Variants in DUSP16 observed in about 807,000 individuals in gnomAD.
The protein encoded by DUSP16 is dual specificity phosphatase 16.
A neutral mutation model predicts 58.3 loss-of-function variants in DUSP16; 21 were observed. The ratio of observed to expected loss-of-function variants is 0.36; its 90% CI spans 0.26 to 0.52. The LOEUF (loss-of-function observed/expected upper bound fraction) is 0.52. DUSP16 is among the 20% of genes least tolerant of loss of function. The pLI, the probability that DUSP16 is intolerant of heterozygous loss-of-function variation, is 0.94. For synonymous variants in DUSP16, 320 were observed against 323.8 expected (o/e 0.99, Z 0.12); for missense variants, 726 against 819.0 (o/e 0.89, Z 1.39).
chr12:12,521,507 A>C, intron 1 of DUSP16, 44 bp from the exon 2 acceptor site: 1 of 920,342 alleles, frequency 1.1e-6, no homozygotes, highest in Non-Finnish European at 1.3e-6. Context: ...TGAGGTCAAA[A>C]AAAGAAGAAA....
At chr12:12,555,809 G>A (rs1040085997) in intron 1 of DUSP16, among the ~76,000 whole-genome samples, 6 of 152,148 alleles carry the variant, frequency 3.9e-5, no homozygotes, top group East Asian at 1.9e-4. Flanking sequence ...TTGGGACGCC[G>A]AGGTGGGAGG....
rs1260228685 is a variant in DUSP16 at position 12,477,397 on chromosome 12, G to A, written c.1434C>T (p.Asp478=). The A allele has an allele frequency of 1.9e-6, 3 of 1,612,754 alleles. No homozygotes were observed. Among genetic ancestry groups the A allele is most frequent in the South Asian group, 1.1e-5 (1 of 90,952 alleles). ...CCGAATGCAATCGCTTGCTCTGGCT[G>A]TCTGAAGGCCTGGCGGTCTGCAGCT... ...PKKLQTARPS[D]SQSKRLHSVR... The change falls in exon 7 of 7, where the codon GAC becomes GAT. Residue 478 remains aspartate (D), a synonymous_variant. Transcript: ENST00000298573. The surrounding 1 kb of genome is among the most constrained non-coding windows in gnomAD (Gnocchi z 4.1).
At chr12:12,481,315 C>A (rs1393273679) in intron 5 of DUSP16, among the ~76,000 whole-genome samples, 1 of 152,188 alleles carries the variant, frequency 6.6e-6, no homozygotes, top group Non-Finnish European at 1.5e-5. Flanking sequence ...GTACATGTGG[C>A]AGGGGACGAG....
At chr12:12,489,781 A>C (rs1943737218) in intron 4 of DUSP16, among the ~76,000 whole-genome samples, 1 of 152,264 alleles carries the variant, frequency 6.6e-6, no homozygotes, top group Non-Finnish European at 1.5e-5. Flanking sequence ...TTAATAGCCT[A>C]CATTTTAAAG....
intron 4 of DUSP16, among the ~76,000 whole-genome samples, chr12:12,493,758 A>G (rs1025652846): frequency 6.6e-6 from 1 of 152,174 alleles, no homozygotes; most frequent in South Asian, 2.1e-4. Context: ...TGTTTGTTCA[A>G]ATGCCTCTAT....
chr12:12,545,545 G>T (rs531471479), intron 1 of DUSP16, among the ~76,000 whole-genome samples: 3 of 151,218 alleles, frequency 2.0e-5, no homozygotes, highest in Non-Finnish European at 4.4e-5. Flanking sequence ...GCCTCCCAAA[G>T]TGCTGGGATT....
At chr12:12,538,441 C>T (rs1009798979) in intron 1 of DUSP16, among the ~76,000 whole-genome samples, 2 of 152,160 alleles carry the variant, frequency 1.3e-5, no homozygotes, top group African/African-American at 2.4e-5. Context: ...GTCCCTTTTA[C>T]AAAATGTTAC....
chr12:12,523,550 T>C lies in DUSP16; in HGVS notation c.-365-2087A>G, dbSNP rs190346814. ...TCCATTTAATACATTATATTTCCAT[T>C]TCTTATTTTCCAAGAAACAACTTTC... On this transcript the variant is annotated intron_variant, in intron 1 of 6. Coordinates refer to ENST00000298573, the MANE Select transcript of DUSP16 (RefSeq NM_030640.3). Among the ~76,000 whole-genome samples the C allele has an allele frequency of 7.0e-3, 1,066 of 152,352 alleles. 13 individuals carry two copies. The highest frequency in any genetic ancestry group is 0.024 in the African/African-American group (992 of 41,576).
intron 3 of DUSP16, among the ~76,000 whole-genome samples, chr12:12,512,820 T>G (rs1944098436): frequency 6.6e-6 from 1 of 152,158 alleles, no homozygotes; most frequent in Non-Finnish European, 1.5e-5. Context: ...TTCAATCTCA[T>G]TTACCAAGTT....
Position 12,562,587 on chromosome 12 carries a change from G to A in DUSP16, c.-836C>T, listed in dbSNP as rs928744866. Among the ~76,000 whole-genome samples the A allele has an allele frequency of 6.6e-6, 1 of 151,274 alleles. No homozygotes were observed. Among genetic ancestry groups the A allele is most frequent in the African/African-American group, 2.4e-5 (1 of 41,210 alleles). On this transcript the variant is annotated 5_prime_UTR_variant, in exon 1 of 7. Coordinates refer to ENST00000298573, the MANE Select transcript of DUSP16 (RefSeq NM_030640.3). ...GGGGGGGTGGGGTGGGGGGTTGGGG[G>A]AAAGAGAAAGAGTCGCTGGTCAGGA...
Position 12,474,242 on chromosome 12 carries a change from T to C in DUSP16, c.*2591A>G, listed in dbSNP as rs989666655. 5 of 152,280 alleles carry C rather than the reference T, an allele frequency of 3.3e-5. No homozygotes were observed. Among genetic ancestry groups the C allele is most frequent in the African/African-American group, 1.2e-4 (5 of 41,542 alleles). The allele number at this position is 152,280 out of a possible 1,614,324, so 9.4% of individuals were successfully genotyped here. ...GTATTTATGTATAAACAGGTACCAG[T>C]TTTGATTTTATTTAATCATTTCATA... On this transcript the variant is annotated 3_prime_UTR_variant, in exon 7 of 7. Transcript: ENST00000298573.
intron 1 of DUSP16, among the ~76,000 whole-genome samples, chr12:12,550,894 A>C (rs1486490055): frequency 6.6e-6 from 1 of 152,124 alleles, no homozygotes; most frequent in Non-Finnish European, 1.5e-5. Flanking sequence ...GTATAATTAA[A>C]AAAAAAAGCC....
Position 12,495,236 on chromosome 12 carries a change from C to CAA in DUSP16, c.531+5281_531+5282dup, listed in dbSNP as rs10555943. ...GAATTATATCTCAGTAAAGCCATTA[C>CAA]AAAAAAAAAAAAAAAAAAAAGCCCA... is the stretch of plus-strand genomic sequence containing the variant. On this transcript the variant is annotated intron_variant, in intron 4 of 6. Coordinates refer to ENST00000298573, the MANE Select transcript of DUSP16 (RefSeq NM_030640.3). Among the ~76,000 whole-genome samples the CAA allele has an allele frequency of 3.5e-3, 346 of 98,888 alleles. 3 individuals carry two copies. The highest frequency in any genetic ancestry group is 0.011 in the African/African-American group (288 of 25,200). 64.9% of individuals were successfully genotyped at this position (98,888 alleles called of 152,430 possible). A position where few individuals can be genotyped will look rare whatever the true frequency, so the allele number is the denominator to read the frequency against.
intron 1 of DUSP16, among the ~76,000 whole-genome samples, chr12:12,543,763 C>T (rs967422398): frequency 2.0e-5 from 3 of 151,838 alleles, no homozygotes; most frequent in Admixed American, 6.6e-5. Context: ...TCCCTAGAAA[C>T]AAAACCAATA....
chr12:12,508,061 C>T (rs1201722527), intron 3 of DUSP16, among the ~76,000 whole-genome samples: 1 of 152,220 alleles, frequency 6.6e-6, no homozygotes, highest in Non-Finnish European at 1.5e-5. Flanking sequence ...GTTCTCTCTT[C>T]TCTCCATACT....
At chr12:12,533,105 CAT>C (rs772765736) in intron 1 of DUSP16, among the ~76,000 whole-genome samples, 3 of 152,130 alleles carry the variant, frequency 2.0e-5, no homozygotes, top group South Asian at 2.1e-4. Flanking sequence ...TTTTAAATCA[CAT>C]GTTTATGACT....
chr12:12,494,472 AATG>A (rs1216002661), intron 4 of DUSP16, among the ~76,000 whole-genome samples: 3 of 152,222 alleles, frequency 2.0e-5, no homozygotes, highest in Non-Finnish European at 4.4e-5. Flanking sequence ...TTGCACGAAT[AATG>A]ATGATACAAA....
chr12:12,555,524 T>G (rs1406485533), intron 1 of DUSP16, among the ~76,000 whole-genome samples: 1 of 152,220 alleles, frequency 6.6e-6, no homozygotes. Context: ...TCTACACATC[T>G]TTCCCCATTT....
intron 1 of DUSP16, among the ~76,000 whole-genome samples, chr12:12,537,580 A>G (rs1344761815): frequency 6.6e-6 from 1 of 152,276 alleles, no homozygotes; most frequent in Non-Finnish European, 1.5e-5. Flanking sequence ...AAGAAACTCA[A>G]TGGCTAAATG....
Sources: allele counts gnomAD v4.1 joint callset (sites outside exome capture counted in the v4.1 genomes callset), GRCh38; gene constraint gnomAD v4.1.1; non-coding constraint Gnocchi (gnomAD v3.1); transcripts MANE v1.5; gene names NCBI Gene and HGNC (gene_info 2026-07-23, HGNC 2026-07-21).